Variants in TNS3 observed in about 807,000 individuals in gnomAD.
The protein encoded by TNS3 is tensin-3.
A neutral mutation model predicts 140.9 loss-of-function variants in TNS3; 45 were observed. That is an observed-to-expected ratio of 0.32 (90% CI 0.25 to 0.41). The LOEUF is 0.41. TNS3 is among the 10% of genes least tolerant of loss of function. The probability of loss-of-function intolerance (pLI) is 1.00; values close to 1 mark genes in which losing one functional copy is unlikely to be tolerated. For synonymous variants in TNS3, 815 were observed against 788.4 expected, an observed-to-expected ratio of 1.03 and a Z score of -0.56; for missense variants, 1,716 against 1,906.7, an observed-to-expected ratio of 0.90 and a Z score of 1.86.
rs1240820882 is a variant in TNS3, at chr7:47,368,470, G to T, written c.2176C>A (p.Gln726Lys). 7 of 1,589,894 alleles carry T rather than the reference G, an allele frequency of 4.4e-6. No homozygotes were observed. The highest frequency in any genetic ancestry group is 1.7e-6 in the Non-Finnish European group (2 of 1,162,760). The change falls in exon 17 of 31, where the codon CAG (glutamine) becomes AAG (lysine). Residue 726 changes from glutamine (Q) to lysine (K), a missense_variant. Physicochemically the swap from Gln to Lys is moderately conservative, Grantham distance 53. This residue lies in a region of TNS3 where 1,163 missense variants were observed against 1,182.1 expected (regional missense o/e 0.98). Transcript: ENST00000311160. ...IPTHMNALGS[Q>K]ANGSVSPDSV... is the part of the protein sequence containing the mutation. ...TCTGGAGACACAGAGCCATTGGCCTGGCTACCGAGGGCGTTCATGTGGGTA... is the reference window on the plus strand; with the variant it reads ...TCTGGAGACACAGAGCCATTGGCCTTGCTACCGAGGGCGTTCATGTGGGTA...
chr7:47,307,624 G>A (rs988048137), intron 20 of TNS3, among the ~76,000 whole-genome samples: 2 of 152,154 alleles, frequency 1.3e-5, no homozygotes, highest in Non-Finnish European at 2.9e-5. Flanking sequence ...TTGGCATTTC[G>A]AATTTTAGCC....
intron 4 of TNS3, among the ~76,000 whole-genome samples, chr7:47,461,701 C>A (rs767369357): frequency 6.6e-6 from 1 of 152,246 alleles, no homozygotes; most frequent in Non-Finnish European, 1.5e-5. Flanking sequence ...CCTGCAAATG[C>A]CAGTTGTACC....
At chr7:47,533,123 A>ATATATATT (rs1186427934) in intron 1 of TNS3, among the ~76,000 whole-genome samples, 7 of 88,818 alleles carry the variant, frequency 7.9e-5, no homozygotes, top group East Asian at 3.4e-4. Flanking sequence ...ATATATATAT[A>ATATATATT]TTTTTTTTTT....
chr7:47,485,672 C>T (rs1797584357), intron 3 of TNS3, among the ~76,000 whole-genome samples: 1 of 152,220 alleles, frequency 6.6e-6, no homozygotes, highest in African/African-American at 2.4e-5. Flanking sequence ...ATGGTGGAGG[C>T]GAGGGCCCCT....
intron 17 of TNS3, among the ~76,000 whole-genome samples, chr7:47,350,827 G>A (rs1789626066): frequency 6.6e-6 from 1 of 152,222 alleles, no homozygotes; most frequent in Admixed American, 6.5e-5. Flanking sequence ...CTCAAAATGG[G>A]CTGTTCATGT....
intron 5 of TNS3, among the ~76,000 whole-genome samples, chr7:47,440,713 G>A (rs1795424748): frequency 6.6e-6 from 1 of 152,158 alleles, no homozygotes; most frequent in Non-Finnish European, 1.5e-5. Context: ...AGGTGGAAAA[G>A]GTTCCAGGGA....
At chr7:47,567,683 CAAAAAA>C (rs57071957) in intron 1 of TNS3, among the ~76,000 whole-genome samples, 9 of 85,034 alleles carry the variant, frequency 1.1e-4, no homozygotes, top group Non-Finnish European at 9.8e-5. Context: ...GACTCGGTCT[CAAAAAA>C]AAAAAAAAAA....
At chr7:47,575,366 GCACA>G (rs1800651244) in intron 1 of TNS3, among the ~76,000 whole-genome samples, 1 of 152,108 alleles carries the variant, frequency 6.6e-6, no homozygotes. Context: ...AAAACATATG[GCACA>G]CAAGAAGGCT....
intron 13 of TNS3, chr7:47,403,445 G>C (rs571684520): frequency 2.2e-4 from 34 of 152,302 alleles, no homozygotes; most frequent in Admixed American, 1.5e-3. Flanking sequence ...AAGAAAGAGC[G>C]GTCTATCCCA....
chr7:47,463,524 A>C (rs1233649616), intron 4 of TNS3, among the ~76,000 whole-genome samples: 1 of 152,184 alleles, frequency 6.6e-6, no homozygotes, highest in African/African-American at 2.4e-5. Context: ...ACTGTCTAAC[A>C]CATGCGCTTT....
chr7:47,415,033 C>T, intron 11 of TNS3, 61 bp downstream of exon 11: 1 of 1,307,948 alleles, frequency 7.6e-7, no homozygotes, highest in Non-Finnish European at 1.1e-6. Context: ...TTGAGGGGCC[C>T]AGGACCAGCT....
chr7:47,373,110 G>A (rs777806444), intron 16 of TNS3, among the ~76,000 whole-genome samples: 13 of 152,222 alleles, frequency 8.5e-5, no homozygotes, highest in South Asian at 2.1e-4. Context: ...GGAACACACC[G>A]TTCCTATCCT....
chr7:47,276,264 A>G lies in TNS3; in HGVS notation c.*1812T>C, dbSNP rs1295281630. ...ATGAGGCACTTGGTTTGGTGCATCA[A>G]TAGGAGCTAAAAAGTGGAATGGTCC... On this transcript the variant is annotated 3_prime_UTR_variant, in exon 31 of 31. Transcript: ENST00000311160. 5.3e-6 allele frequency: 1 copy of G among 187,608 alleles called. No homozygotes were observed. Among genetic ancestry groups the G allele is most frequent in the Admixed American group, 5.7e-5 (1 of 17,642 alleles). 11.6% of individuals were successfully genotyped at this position (187,608 alleles called of 1,614,324 possible).
At chr7:47,395,532 A>G (rs911089414) in intron 16 of TNS3, among the ~76,000 whole-genome samples, 2 of 152,202 alleles carry the variant, frequency 1.3e-5, no homozygotes, top group Admixed American at 1.3e-4. Context: ...ATCTTATGAA[A>G]TTATTCTCAC....
At position 47,280,133 on chromosome 7, in the gene TNS3, G is replaced by C. The variant is rs1035762130; in HGVS notation, c.4193+31C>G. 3 of 1,613,608 alleles carry C rather than the reference G, an allele frequency of 1.9e-6. No individual in the cohort carries two copies. In the African/African-American group the frequency reaches 4.0e-5, roughly 22 times the overall value. ...ACTTTGGAGTACAACTGCAGACAAG[G>C]AGAGAATGTAAAGAAATCTCAGCAA... On this transcript the variant is annotated intron_variant, in intron 30 of 30. Coordinates refer to ENST00000311160, the MANE Select transcript of TNS3 (RefSeq NM_022748.12).
intron 1 of TNS3, among the ~76,000 whole-genome samples, chr7:47,533,922 C>T (rs1799509776): frequency 6.6e-6 from 1 of 152,006 alleles, no homozygotes. Context: ...TATAAATTGC[C>T]CAGTCTTGGG....
chr7:47,363,708 T>C (rs541346531), intron 17 of TNS3, among the ~76,000 whole-genome samples: 3 of 152,278 alleles, frequency 2.0e-5, no homozygotes, highest in African/African-American at 2.4e-5. Flanking sequence ...TTCCAGTCTA[T>C]GGTTTCCCCT....
At chr7:47,280,216 G>C (rs765608747) in intron 29 of TNS3, 26 bp from the exon 30 acceptor site, 72 of 1,613,940 alleles carry the variant, frequency 4.5e-5, no homozygotes, top group Non-Finnish European at 6.0e-5. Flanking sequence ...GAAAAACAGA[G>C]GTTAATTTTT....
intron 20 of TNS3, among the ~76,000 whole-genome samples, chr7:47,343,146 G>A (rs2150985133): frequency 6.6e-6 from 1 of 152,338 alleles, no homozygotes; most frequent in East Asian, 1.9e-4. Flanking sequence ...ACATGCTGGT[G>A]TGCAGAGCCA....
Sources: gnomAD v4.1 joint callset for allele counts (sites outside exome capture counted in the v4.1 genomes callset) on GRCh38, gnomAD v4.1.1 for gene constraint, gnomAD v4.1.1 regional missense constraint, MANE v1.5 for transcripts, NCBI Gene and HGNC (gene_info 2026-07-23, HGNC 2026-07-21) for gene names.